The following NTM variants were observed in gnomAD, a reference collection of about 807,000 sequenced individuals.
NTM encodes neurotrimin, also known as IgLON family member 2.
A neutral mutation model predicts 42.1 loss-of-function variants in NTM; 13 were observed. The observed-to-expected ratio is 0.31, with a 90% CI of 0.20 to 0.49. The LOEUF (loss-of-function observed/expected upper bound fraction) is 0.49. Ranked by LOEUF, NTM falls within the 20% of genes least tolerant of loss-of-function variation. The pLI is 0.99. For synonymous variants in NTM, 187 were observed against 179.2 expected (o/e 1.04, Z -0.35); for missense variants, 373 against 452.8 (o/e 0.82, Z 1.60).
intron 2 of NTM, among the ~76,000 whole-genome samples, chr11:132,107,451 A>G (rs2062549723): frequency 6.7e-6 from 1 of 149,742 alleles, no homozygotes; most frequent in South Asian, 2.1e-4. Flanking sequence ...CCCAAGCTCA[A>G]GAGATCCTCC....
chr11:131,909,324 T>C (rs1419297202), intron 1 of NTM, among the ~76,000 whole-genome samples: 1 of 152,210 alleles, frequency 6.6e-6, no homozygotes, highest in African/African-American at 2.4e-5. Flanking sequence ...TGTAAGTGAT[T>C]GGTACTGCTC....
chr11:132,244,872 A>G (rs1040353844), intron 4 of NTM, among the ~76,000 whole-genome samples: 12 of 152,216 alleles, frequency 7.9e-5, no homozygotes, highest in Admixed American at 7.2e-4. Context: ...AGTGCCTTCT[A>G]TTAATGGAGC....
chr11:131,703,174 A>G (rs560148577), intron 1 of NTM, among the ~76,000 whole-genome samples: 3 of 152,358 alleles, frequency 2.0e-5, no homozygotes, highest in African/African-American at 7.2e-5. Context: ...AGTATACTTC[A>G]TAATTATGTG....
At chr11:131,640,059 G>A (rs1247478555) in intron 1 of NTM, among the ~76,000 whole-genome samples, 1 of 152,158 alleles carries the variant, frequency 6.6e-6, no homozygotes, top group Non-Finnish European at 1.5e-5. Context: ...GAAGACATGG[G>A]GGCGTCCATC....
chr11:131,864,736 C>T (rs1200369128), intron 1 of NTM, among the ~76,000 whole-genome samples: 1 of 152,186 alleles, frequency 6.6e-6, no homozygotes, highest in African/African-American at 2.4e-5. Flanking sequence ...CACCTCTGAC[C>T]AGGATTTCCT....
intron 2 of NTM, among the ~76,000 whole-genome samples, chr11:131,975,103 T>C (rs1593312862): frequency 6.6e-6 from 1 of 152,206 alleles, no homozygotes; most frequent in East Asian, 1.9e-4. Context: ...GGTACAGTAA[T>C]ATAACTGCCT....
At chr11:132,085,814 G>A (rs1417039787) in intron 2 of NTM, among the ~76,000 whole-genome samples, 1 of 152,002 alleles carries the variant, frequency 6.6e-6, no homozygotes, top group Non-Finnish European at 1.5e-5. Context: ...TTAAGAGCAG[G>A]GTTAGGAAAG....
At chr11:132,258,581 C>G (rs1015868016) in intron 4 of NTM, among the ~76,000 whole-genome samples, 4 of 152,270 alleles carry the variant, frequency 2.6e-5, no homozygotes, top group Middle Eastern at 3.4e-3. Flanking sequence ...CTAGGCTTCT[C>G]TCTATGTATT....
chr11:131,709,378 A>C (rs1443172138), intron 1 of NTM, among the ~76,000 whole-genome samples: 4 of 152,222 alleles, frequency 2.6e-5, no homozygotes, highest in Admixed American at 2.0e-4. Context: ...GGAAGCAGGC[A>C]GACTTGTTGG....
chr11:132,091,358 A>G (rs1261726703), intron 2 of NTM, among the ~76,000 whole-genome samples: 1 of 152,160 alleles, frequency 6.6e-6, no homozygotes, highest in Non-Finnish European at 1.5e-5. Context: ...CAGTGAGCCA[A>G]GATCGTGCCA....
chr11:131,439,679 G>A (rs578108863), intron 1 of NTM, among the ~76,000 whole-genome samples: 1 of 152,212 alleles, frequency 6.6e-6, no homozygotes, highest in Non-Finnish European at 1.5e-5. Flanking sequence ...GCAGTATTTG[G>A]GAGGGAGTGT....
At chr11:132,253,408 T>C (rs1257643717) in intron 4 of NTM, among the ~76,000 whole-genome samples, 3 of 152,112 alleles carry the variant, frequency 2.0e-5, no homozygotes, top group Non-Finnish European at 4.4e-5. Flanking sequence ...TCTAACATAA[T>C]GTTTGTTTTC....
intron 1 of NTM, among the ~76,000 whole-genome samples, chr11:131,592,163 A>C (rs1457432849): frequency 1.3e-5 from 2 of 152,172 alleles, no homozygotes; most frequent in East Asian, 1.9e-4. Flanking sequence ...TATTTGTCAA[A>C]GGATCAGAGG....
At chr11:131,691,346 G>T (rs907913732) in intron 1 of NTM, among the ~76,000 whole-genome samples, 1 of 152,218 alleles carries the variant, frequency 6.6e-6, no homozygotes, top group Non-Finnish European at 1.5e-5. Flanking sequence ...CCAAGGCGCT[G>T]CCCGGATGAT....
At chr11:131,686,962 G>A (rs566766010) in intron 1 of NTM, among the ~76,000 whole-genome samples, 3 of 152,328 alleles carry the variant, frequency 2.0e-5, no homozygotes, top group Admixed American at 2.0e-4. Context: ...GCGGCGCCCT[G>A]GTGGGAGGGT....
At chr11:131,544,892 G>A (rs1164667238) in intron 1 of NTM, among the ~76,000 whole-genome samples, 1 of 152,148 alleles carries the variant, frequency 6.6e-6, no homozygotes, top group Non-Finnish European at 1.5e-5. Context: ...TTGAGGAATA[G>A]GACAGGCCAC....
chr11:131,670,382 TC>T (rs2069939466), intron 1 of NTM, among the ~76,000 whole-genome samples: 1 of 152,070 alleles, frequency 6.6e-6, no homozygotes, highest in Non-Finnish European at 1.5e-5. Flanking sequence ...TTCCTTCCTT[TC>T]TTTCTTTTTC....
At chr11:131,737,730 TC>T (rs2080660443) in intron 1 of NTM, among the ~76,000 whole-genome samples, 1 of 152,060 alleles carries the variant, frequency 6.6e-6, no homozygotes, top group Admixed American at 6.6e-5. Context: ...CCGCTTGGAA[TC>T]CGACTCTTGA....
chr11:131,728,291 A>G (rs78101503), intron 1 of NTM, among the ~76,000 whole-genome samples: 4 of 152,154 alleles, frequency 2.6e-5, no homozygotes, highest in Non-Finnish European at 4.4e-5. Flanking sequence ...CATCTGACCA[A>G]CCTGCTACAA....
Sources: gnomAD v4.1 joint callset for allele counts (sites outside exome capture counted in the v4.1 genomes callset) on GRCh38, gnomAD v4.1.1 for gene constraint, MANE v1.5 for transcripts, NCBI Gene and HGNC (gene_info 2026-07-23, HGNC 2026-07-21) for gene names.